ZNF644: variants seen among roughly 807,000 people sequenced by gnomAD.
ZNF644 encodes zinc finger motif enhancer binding protein 2.
A neutral mutation model predicts 108.0 loss-of-function variants in ZNF644; 20 were observed. The ratio of observed to expected loss-of-function variants is 0.19; its 90% CI spans 0.13 to 0.27. The LOEUF is 0.27. Among genes scored for constraint, ZNF644 ranks in the 10% least tolerant of loss-of-function variants. The probability of loss-of-function intolerance (pLI) is 1.00; values close to 1 mark genes in which losing one functional copy is unlikely to be tolerated. For missense variants in ZNF644, 1,338 were observed against 1,548.9 expected (o/e 0.86, Z 2.29); for synonymous variants, 542 against 539.1 (o/e 1.01, Z -0.08).
At position 90,939,034 on chromosome 1, in the gene ZNF644, G is replaced by C; in HGVS notation, c.2320C>G (p.Leu774Val). The C allele has an allele frequency of 6.2e-7, 1 of 1,614,004 alleles. No homozygotes were observed. Among genetic ancestry groups the C allele is most frequent in the Non-Finnish European group, 8.5e-7 (1 of 1,179,922 alleles). ...TGAGAATTACTTGATGATGAAAACA[G>C]GTGTAAAGAATTTAATGAACTAGCT... ...EEASSLNSLH[L>V]FSSSSNSHNN... Residue 774 changes from leucine (L) to valine (V), a missense_variant, in exon 3 of 6, where the codon CTG (leucine) becomes GTG (valine). By Grantham distance (32) the Leu-to-Val change is conservative. Transcript: ENST00000337393.
At chr1:90,972,077 C>T (rs1399142904) in intron 2 of ZNF644, among the ~76,000 whole-genome samples, 1 of 152,082 alleles carries the variant, frequency 6.6e-6, no homozygotes, top group Non-Finnish European at 1.5e-5. Flanking sequence ...CAAGTCATTA[C>T]ACCACTGCAC....
intron 1 of ZNF644, among the ~76,000 whole-genome samples, chr1:91,013,347 A>G (rs1660132695): frequency 6.6e-6 from 1 of 152,064 alleles, no homozygotes; most frequent in African/African-American, 2.4e-5. Context: ...TAGTGCTGGG[A>G]CTACAGGCAT....
rs1158541243 is a variant in ZNF644, at chr1:90,939,167, C to T, written c.2187G>A (p.Lys729=). ...PKYFHQAAKE[K]SNAKANSHYL... ...AGTGGCTATTTGCCTTGGCATTAGA[C>T]TTTTCTTTTGCTGCTTGATGGAAAT... Residue 729 remains lysine (K), a synonymous_variant, in exon 3 of 6, where the codon AAG becomes AAA. Transcript: ENST00000337393. 1.9e-6 allele frequency: 3 copies of T among 1,613,772 alleles called. No homozygotes were observed. The highest frequency in any genetic ancestry group is 4.5e-5 in the East Asian group (2 of 44,868).
intron 2 of ZNF644, among the ~76,000 whole-genome samples, chr1:90,976,397 T>A (rs1656014056): frequency 6.6e-6 from 1 of 152,206 alleles, no homozygotes; most frequent in African/African-American, 2.4e-5. Context: ...GTGCCTAGAA[T>A]ATTAGATTTC....
At position 90,939,677 on chromosome 1, in the gene ZNF644, A is replaced by C; in HGVS notation, c.1677T>G (p.Ser559=). 6.2e-7 allele frequency: 1 copy of C among 1,614,072 alleles called. No homozygotes were observed. ...GAVVKCPMVT[S]DIAQRKTQKK... ...TTTGTGTTTTTCTCTGGGCAATATC[A>C]GAAGTGACCATAGGGCATTTTACCA... Residue 559 remains serine, a synonymous_variant, in exon 3 of 6, where the codon TCT becomes TCG. Coordinates refer to ENST00000337393, the MANE Select transcript of ZNF644 (RefSeq NM_201269.3).
At chr1:91,007,950 T>C (rs1261764878) in intron 1 of ZNF644, among the ~76,000 whole-genome samples, 1 of 152,224 alleles carries the variant, frequency 6.6e-6, no homozygotes, top group Non-Finnish European at 1.5e-5. Context: ...GTAGACATAC[T>C]GTAGGATTAT....
chr1:90,989,449 G>A (rs569711861), intron 1 of ZNF644, among the ~76,000 whole-genome samples: 3 of 152,100 alleles, frequency 2.0e-5, no homozygotes, highest in Non-Finnish European at 4.4e-5. Context: ...AGGCTGAGGT[G>A]GGAGGATCAC....
At chr1:90,991,051 A>G (rs1462144275) in intron 1 of ZNF644, among the ~76,000 whole-genome samples, 1 of 152,224 alleles carries the variant, frequency 6.6e-6, no homozygotes, top group Non-Finnish European at 1.5e-5. Flanking sequence ...ACTTTATTAC[A>G]TGTCAATTAT....
chr1:91,007,224 T>TG (rs1659527083), intron 1 of ZNF644, among the ~76,000 whole-genome samples: 6 of 96,838 alleles, frequency 6.2e-5, no homozygotes, highest in East Asian at 2.9e-4. Context: ...TCTCCCATTT[T>TG]GTTTTTTTTT....
At chr1:91,006,166 A>T (rs1557657095) in intron 1 of ZNF644, among the ~76,000 whole-genome samples, 1 of 152,206 alleles carries the variant, frequency 6.6e-6, no homozygotes, top group Non-Finnish European at 1.5e-5. Flanking sequence ...AGAAAAACCC[A>T]AACTGTTGAA....
At chr1:91,003,229 C>T (rs1334816883) in intron 1 of ZNF644, among the ~76,000 whole-genome samples, 11 of 152,124 alleles carry the variant, frequency 7.2e-5, no homozygotes, top group Non-Finnish European at 1.5e-4. Flanking sequence ...GACACATGCA[C>T]ACGTATGTTT....
chr1:90,931,658 C>G (rs1382876223), intron 4 of ZNF644, among the ~76,000 whole-genome samples: 1 of 152,106 alleles, frequency 6.6e-6, no homozygotes, highest in Non-Finnish European at 1.5e-5. Context: ...TCTTTTATGA[C>G]AATTTAACTC....
chr1:91,020,632 C>CT (rs1288127205), intron 1 of ZNF644: 5 of 152,322 alleles, frequency 3.3e-5, no homozygotes, highest in African/African-American at 1.2e-4. Context: ...TCCCTAGATA[C>CT]TTACACATGC....
intron 1 of ZNF644, among the ~76,000 whole-genome samples, chr1:90,988,491 C>G (rs369984969): frequency 3.3e-5 from 5 of 152,178 alleles, no homozygotes; most frequent in East Asian, 3.9e-4. Flanking sequence ...CAATGCAATC[C>G]CTGTCAAAGT....
chr1:90,951,775 T>C (rs1653199345), intron 2 of ZNF644, among the ~76,000 whole-genome samples: 1 of 152,196 alleles, frequency 6.6e-6, no homozygotes, highest in African/African-American at 2.4e-5. Flanking sequence ...CCTCTAATAC[T>C]AAGTTTCACA....
chr1:90,945,301 T>C (rs1652405190), intron 2 of ZNF644, among the ~76,000 whole-genome samples: 1 of 148,094 alleles, frequency 6.8e-6, no homozygotes, highest in South Asian at 2.2e-4. Flanking sequence ...TAACTGGTTT[T>C]TAAAAGTCTA....
At chr1:90,922,991 A>T (rs1415554570) in intron 4 of ZNF644, among the ~76,000 whole-genome samples, 1 of 152,156 alleles carries the variant, frequency 6.6e-6, no homozygotes, top group Non-Finnish European at 1.5e-5. Context: ...TTTTTTTAGA[A>T]AACAACAACA....
intron 1 of ZNF644, among the ~76,000 whole-genome samples, chr1:90,982,853 G>A (rs1168870902): frequency 1.3e-5 from 2 of 151,704 alleles, no homozygotes; most frequent in Admixed American, 6.6e-5. Flanking sequence ...AGCAACCACA[G>A]TAATTATCAT....
intron 4 of ZNF644, 64 bp downstream of exon 4, chr1:90,937,421 T>C: frequency 3.7e-6 from 6 of 1,607,424 alleles, no homozygotes; most frequent in Admixed American, 1.7e-5. Context: ...ATAGATTCCA[T>C]TAAAGAAGGC....
Sources: allele counts gnomAD v4.1 joint callset (sites outside exome capture counted in the v4.1 genomes callset), GRCh38; gene constraint gnomAD v4.1.1; transcripts MANE v1.5; gene names NCBI Gene and HGNC (gene_info 2026-07-23, HGNC 2026-07-21).